CNBD1: variants seen among roughly 807,000 people sequenced by gnomAD.
CNBD1 encodes cyclic nucleotide binding domain containing 1.
CNBD1 carries 71 observed loss-of-function variants against 54.4 expected under a neutral mutation model. The ratio of observed to expected loss-of-function variants is 1.30; its 90% confidence interval spans 1.08 to 1.59. The LOEUF is 1.59. Among genes scored for constraint, CNBD1 ranks in the 40% most tolerant of loss-of-function variants. CNBD1 has a pLI of 0.00. For missense variants in CNBD1, 659 were observed against 518.0 expected (o/e 1.27, Z -2.64); for synonymous variants, 182 against 170.7 (o/e 1.07, Z -0.51).
intron 6 of CNBD1, among the ~76,000 whole-genome samples, chr8:87,259,889 T>G (rs572532425): frequency 6.6e-6 from 1 of 152,206 alleles, no homozygotes. Flanking sequence ...TTACCTGACT[T>G]TAGATAGGCC....
At chr8:87,081,266 G>T (rs1810984947) in intron 4 of CNBD1, among the ~76,000 whole-genome samples, 1 of 151,846 alleles carries the variant, frequency 6.6e-6, no homozygotes, top group Non-Finnish European at 1.5e-5. Flanking sequence ...TGACAAATGG[G>T]TTATTTAGAA....
intron 4 of CNBD1, among the ~76,000 whole-genome samples, chr8:87,033,506 G>A (rs1366057392): frequency 6.6e-6 from 1 of 152,134 alleles, no homozygotes; most frequent in Non-Finnish European, 1.5e-5. Context: ...ACTGGTAGCT[G>A]ATGTTTATCT....
intron 2 of CNBD1, among the ~76,000 whole-genome samples, chr8:87,404,594 G>T (rs1312834753): frequency 2.0e-4 from 31 of 152,054 alleles, no homozygotes; most frequent in Admixed American, 2.0e-3. Flanking sequence ...TTTGTTGCAT[G>T]TAGAAGTGGT....
intron 7 of CNBD1, 107 bp from the exon 8 acceptor site, chr8:87,286,432 A>C: frequency 7.9e-6 from 5 of 636,280 alleles, no homozygotes; most frequent in African/African-American, 1.8e-5. Flanking sequence ...ATACTAACTT[A>C]TATTCATATG....
chr8:87,286,019 G>A (rs1036840650), intron 7 of CNBD1, among the ~76,000 whole-genome samples: 2 of 152,210 alleles, frequency 1.3e-5, no homozygotes, highest in Non-Finnish European at 2.9e-5. Context: ...GAGTGGTGTT[G>A]AGAAGACATC....
chr8:86,897,499 A>T lies in CNBD1; in HGVS notation c.159-7582A>T, dbSNP rs181177748. 1.9e-4 allele frequency among the ~76,000 whole-genome samples: 29 copies of T among 152,280 alleles called. No homozygotes were observed. In the East Asian group the frequency reaches 5.4e-3, roughly 28 times the overall value. On this transcript the variant is annotated intron_variant, in intron 2 of 10. Coordinates refer to ENST00000518476, the MANE Select transcript of CNBD1 (RefSeq NM_173538.3). ...ACCCAGATAGGCTAGAACTGCTAAGAAGGGACCAGAAAGCAGATAGTGAGT... is the reference window on the plus strand; with the variant it reads ...ACCCAGATAGGCTAGAACTGCTAAGTAGGGACCAGAAAGCAGATAGTGAGT...
At chr8:87,339,937 T>G (rs1370109576) in intron 8 of CNBD1, among the ~76,000 whole-genome samples, 1 of 152,214 alleles carries the variant, frequency 6.6e-6, no homozygotes, top group Admixed American at 6.5e-5. Flanking sequence ...TGTTATAGTA[T>G]TACAGTATTC....
At chr8:86,973,096 C>G (rs181517214) in intron 4 of CNBD1, among the ~76,000 whole-genome samples, 8 of 152,204 alleles carry the variant, frequency 5.3e-5, no homozygotes, top group African/African-American at 1.9e-4. Flanking sequence ...TCCAAACAAC[C>G]CTAGAGTGCT....
At chr8:86,968,634 G>A (rs904422214) in intron 4 of CNBD1, among the ~76,000 whole-genome samples, 1 of 152,180 alleles carries the variant, frequency 6.6e-6, no homozygotes, top group African/African-American at 2.4e-5. Context: ...TTGGGGAAGA[G>A]AAATATTTTT....
intron 4 of CNBD1, among the ~76,000 whole-genome samples, chr8:86,985,687 A>G (rs1003823753): frequency 3.9e-5 from 6 of 152,158 alleles, no homozygotes; most frequent in Non-Finnish European, 7.3e-5. Context: ...TTTTGGTAGA[A>G]TAATTTGTTT....
chr8:87,278,943 C>T (rs1270862840), intron 6 of CNBD1, among the ~76,000 whole-genome samples: 1 of 151,446 alleles, frequency 6.6e-6, no homozygotes, highest in East Asian at 1.9e-4. Flanking sequence ...TCTGTGGTTT[C>T]ACTTTCCAGT....
At chr8:87,015,110 TA>T (rs1034314479) in intron 4 of CNBD1, among the ~76,000 whole-genome samples, 2 of 152,274 alleles carry the variant, frequency 1.3e-5, no homozygotes, top group African/African-American at 2.4e-5. Context: ...TATTTAATAC[TA>T]AAAAACGTAC....
At chr8:87,303,057 C>G (rs983386602) in intron 8 of CNBD1, among the ~76,000 whole-genome samples, 39 of 151,880 alleles carry the variant, frequency 2.6e-4, no homozygotes, top group African/African-American at 9.2e-4. Context: ...AATGGCCATA[C>G]TGCCCAAGGT....
At chr8:87,221,079 T>C (rs2130808915) in intron 5 of CNBD1, among the ~76,000 whole-genome samples, 1 of 152,206 alleles carries the variant, frequency 6.6e-6, no homozygotes, top group East Asian at 1.9e-4. Context: ...TTCTTGTCAC[T>C]TTTCTGTTAA....
intron 8 of CNBD1, among the ~76,000 whole-genome samples, chr8:87,316,873 T>A (rs1809396944): frequency 6.6e-6 from 1 of 151,944 alleles, no homozygotes; most frequent in African/African-American, 2.4e-5. Flanking sequence ...TTAATCGATA[T>A]GAATTTATTA....
chr8:86,967,519 G>T (rs531912504), intron 4 of CNBD1, among the ~76,000 whole-genome samples: 2 of 152,230 alleles, frequency 1.3e-5, no homozygotes, highest in Admixed American at 6.5e-5. Flanking sequence ...TGCAGCCAGT[G>T]TCATGTCTTC....
intron 4 of CNBD1, among the ~76,000 whole-genome samples, chr8:86,995,519 G>C (rs1321444157): frequency 6.6e-6 from 1 of 152,158 alleles, no homozygotes; most frequent in Non-Finnish European, 1.5e-5. Flanking sequence ...AAAAATCACA[G>C]AGTTGGAAAT....
intron 3 of CNBD1, among the ~76,000 whole-genome samples, chr8:86,925,497 G>A (rs1048785206): frequency 1.1e-5 from 1 of 88,112 alleles, no homozygotes; most frequent in East Asian, 5.1e-4. Context: ...GTGTGTGTGT[G>A]TGTGTGTGTG....
chr8:87,217,436 A>T (rs931170823), intron 5 of CNBD1, among the ~76,000 whole-genome samples: 3 of 152,202 alleles, frequency 2.0e-5, no homozygotes, highest in African/African-American at 4.8e-5. Flanking sequence ...TAATATTAGA[A>T]TCAGAATGAG....
Sources: gnomAD v4.1 joint callset for allele counts (sites outside exome capture counted in the v4.1 genomes callset) on GRCh38, gnomAD v4.1.1 for gene constraint, MANE v1.5 for transcripts, NCBI Gene and HGNC (gene_info 2026-07-23, HGNC 2026-07-21) for gene names.